DOCK7: variants seen among roughly 807,000 people sequenced by gnomAD.
The protein encoded by DOCK7 is dedicator of cytokinesis 7, also known as dedicator of cytokinesis protein 7.
DOCK7 carries 138 observed loss-of-function variants against 271.0 expected under a neutral mutation model. The observed-to-expected ratio is 0.51, with a 90% CI of 0.44 to 0.59. The LOEUF is 0.59. DOCK7 is among the 20% of genes least tolerant of loss of function. The pLI is 0.00. For missense variants in DOCK7, 2,066 were observed against 2,592.4 expected (o/e 0.80, Z 4.41); for synonymous variants, 823 against 876.1 (o/e 0.94, Z 1.07).
At chr1:62,651,449 T>A (rs1419618973) in intron 4 of DOCK7, among the ~76,000 whole-genome samples, 24 of 130,052 alleles carry the variant, frequency 1.8e-4, no homozygotes, top group African/African-American at 2.3e-4. Context: ...TAAAGTATAA[T>A]AAAAAAAAAA....
At chr1:62,475,671 G>C in intron 46 of DOCK7, 36 bp downstream of exon 46, 1 of 1,563,926 alleles carries the variant, frequency 6.4e-7, no homozygotes, top group Non-Finnish European at 8.8e-7. Flanking sequence ...GAATGTATTT[G>C]CTTCACTAAT....
intron 31 of DOCK7, among the ~76,000 whole-genome samples, chr1:62,524,878 G>A: frequency 7.2e-6 from 1 of 139,278 alleles, no homozygotes; most frequent in Middle Eastern, 3.6e-3. Context: ...AGCCTACCTG[G>A]GCTACAGTGC....
chr1:62,525,347 C>G (rs959563165), intron 31 of DOCK7, among the ~76,000 whole-genome samples: 3 of 152,040 alleles, frequency 2.0e-5, no homozygotes, highest in African/African-American at 7.2e-5. Context: ...GCAATTATAT[C>G]ATCAATCAGG....
intron 14 of DOCK7, among the ~76,000 whole-genome samples, chr1:62,596,903 T>C (rs1482428568): frequency 2.0e-5 from 3 of 152,096 alleles, no homozygotes; most frequent in Non-Finnish European, 4.4e-5. Context: ...ACACTTACTA[T>C]ATATGGGATT....
Position 62,558,849 on chromosome 1 carries a change from C to G in DOCK7, c.2431+140G>C, listed in dbSNP as rs72667373. 5.3e-3 allele frequency: 3,520 copies of G among 667,394 alleles called. 19 individuals carry two copies. Among genetic ancestry groups the G allele is most frequent in the Non-Finnish European group, 7.0e-3 (2,880 of 411,708 alleles). 41.3% of individuals were successfully genotyped at this position (667,394 alleles called of 1,614,324 possible). On this transcript the variant is annotated intron_variant, in intron 20 of 49. Transcript: ENST00000635253. ...AAAAGTTATTTTCTGGCATTATAAA[C>G]AAGTAAATAACATCTTCCACCCCAA...
At chr1:62,518,901 C>T in intron 31 of DOCK7, among the ~76,000 whole-genome samples, 1 of 151,616 alleles carries the variant, frequency 6.6e-6, no homozygotes, top group East Asian at 1.9e-4. Flanking sequence ...GATTAACAAA[C>T]CAGATTTTTA....
chr1:62,559,242 A>T, intron 19 of DOCK7, 22 bp from the exon 20 acceptor site: 2 of 1,572,564 alleles, frequency 1.3e-6, no homozygotes, highest in Non-Finnish European at 1.7e-6. Flanking sequence ...AATAAACAAA[A>T]GCACTAAGCA....
intron 23 of DOCK7, 120 bp from the exon 24 acceptor site, chr1:62,543,865 T>A: frequency 1.6e-6 from 1 of 607,862 alleles, no homozygotes; most frequent in African/African-American, 1.8e-5. Flanking sequence ...AAAAACCATC[T>A]ATTTTATTGC....
intron 48 of DOCK7, among the ~76,000 whole-genome samples, chr1:62,468,253 C>T (rs1645732957): frequency 6.7e-6 from 1 of 149,806 alleles, no homozygotes; most frequent in Non-Finnish European, 1.5e-5. Flanking sequence ...CCCAGCAACT[C>T]AGGAAACTGA....
intron 29 of DOCK7, among the ~76,000 whole-genome samples, chr1:62,531,685 T>C (rs1245645174): frequency 6.6e-6 from 1 of 152,190 alleles, no homozygotes; most frequent in Non-Finnish European, 1.5e-5. Flanking sequence ...CTTGATTACG[T>C]AGCAAGCATG....
Position 62,455,419 on chromosome 1 carries a change from G to A in DOCK7, c.6418C>T (p.Leu2140Phe). The part of the protein sequence containing the change: ...FSRMSLRKMD[L>F] ...ATAAAACAAGTGCATTCAGTTTAGA[G>A]ATCCATTTTGCGAAGGCTCATTCGA... is the stretch of plus-strand genomic sequence containing the variant. Residue 2140 changes from leucine to phenylalanine, a missense_variant, in exon 50 of 50, where the codon CTC (leucine) becomes TTC (phenylalanine). Leu to Phe is a conservative substitution (Grantham distance 22). Coordinates refer to ENST00000635253, the MANE Select transcript of DOCK7 (RefSeq NM_001367561.1). 1.2e-6 allele frequency: 2 copies of A among 1,613,594 alleles called. No homozygotes were observed. The highest frequency in any genetic ancestry group is 1.7e-5 in the Admixed American group (1 of 60,012).
intron 18 of DOCK7, among the ~76,000 whole-genome samples, chr1:62,576,036 G>A (rs184054453): frequency 1.1e-3 from 162 of 152,206 alleles, no homozygotes; most frequent in African/African-American, 3.6e-3. Flanking sequence ...TGGGAGGAGG[G>A]AGAGTCATAT....
chr1:62,610,207 T>A (rs1169093563), intron 14 of DOCK7, among the ~76,000 whole-genome samples: 1 of 151,976 alleles, frequency 6.6e-6, no homozygotes, highest in Non-Finnish European at 1.5e-5. Context: ...AAACTCAGAG[T>A]GGTATAACAA....
intron 7 of DOCK7, among the ~76,000 whole-genome samples, chr1:62,640,127 C>A (rs534767257): frequency 1.3e-5 from 2 of 152,010 alleles, no homozygotes; most frequent in Non-Finnish European, 2.9e-5. Flanking sequence ...AGAATACTTA[C>A]AACGATGAAA....
intron 10 of DOCK7, among the ~76,000 whole-genome samples, chr1:62,632,850 G>A (rs1654792078): frequency 6.6e-6 from 1 of 151,984 alleles, no homozygotes. Flanking sequence ...GGTGGCACAT[G>A]CCTGTAATTT....
intron 14 of DOCK7, among the ~76,000 whole-genome samples, chr1:62,599,715 C>T (rs192764027): frequency 6.2e-4 from 94 of 151,972 alleles, no homozygotes; most frequent in African/African-American, 2.1e-3. Context: ...CACACAGAAG[C>T]GTGTGCTATG....
In DOCK7 at chr1:62,571,085, C is replaced by G. The variant is rs531450663; in HGVS notation, c.2112+6177G>C. Among the ~76,000 whole-genome samples the G allele has an allele frequency of 2.0e-5, 3 of 152,250 alleles. No homozygotes were observed. The South Asian group carries it at 6.2e-4, about 32-fold the overall frequency. ...CTAAATAAACTAAAGAGCTTCTGCA[C>G]TGCAAAAGAAACTATCATCAGAGTG... On this transcript the variant is annotated intron_variant, in intron 18 of 49. Coordinates refer to ENST00000635253, the MANE Select transcript of DOCK7 (RefSeq NM_001367561.1).
chr1:62,637,726 C>G (rs568579459), intron 7 of DOCK7, among the ~76,000 whole-genome samples: 1 of 152,250 alleles, frequency 6.6e-6, no homozygotes, highest in Non-Finnish European at 1.5e-5. Context: ...CTTGAGGAAA[C>G]AACTACAGAG....
chr1:62,551,224 A>G (rs573803995), intron 22 of DOCK7, among the ~76,000 whole-genome samples: 46 of 152,288 alleles, frequency 3.0e-4, no homozygotes, highest in African/African-American at 1.1e-3. Flanking sequence ...TGTGAAAATT[A>G]AAGTTATTGG....
Sources: allele counts gnomAD v4.1 joint callset (sites outside exome capture counted in the v4.1 genomes callset), GRCh38; gene constraint gnomAD v4.1.1; transcripts MANE v1.5; gene names NCBI Gene and HGNC (gene_info 2026-07-23, HGNC 2026-07-21).